The following WWOX variants were observed in gnomAD, a reference collection of about 807,000 sequenced individuals.
WWOX encodes the protein WW domain containing oxidoreductase.
In WWOX, 69 loss-of-function variants were observed where a neutral mutation model predicts 46.2. The observed-to-expected ratio is 1.49, with a 90% CI of 1.23 to 1.82. The LOEUF is 1.82. Ranked by LOEUF, WWOX falls within the 40% of genes most tolerant of loss-of-function variation. WWOX has a pLI of 0.00. For missense variants in WWOX, 919 were observed against 542.6 expected (o/e 1.69, Z -6.89); for synonymous variants, 359 against 202.6 (o/e 1.77, Z -6.56).
chr16:79,191,422 A>G (rs934019173), intron 8 of WWOX, among the ~76,000 whole-genome samples: 18 of 152,214 alleles, frequency 1.2e-4, no homozygotes, highest in African/African-American at 3.4e-4. Flanking sequence ...CATGGATTCT[A>G]TTAAATCTAA....
chr16:78,943,657 C>T (rs535250900), intron 8 of WWOX, among the ~76,000 whole-genome samples: 1 of 152,286 alleles, frequency 6.6e-6, no homozygotes, highest in East Asian at 1.9e-4. Flanking sequence ...CTGAAAAAAT[C>T]CAGAAGAGTG....
At chr16:78,276,197 C>A (rs1044014998) in intron 5 of WWOX, among the ~76,000 whole-genome samples, 8 of 152,170 alleles carry the variant, frequency 5.3e-5, no homozygotes, top group Non-Finnish European at 7.3e-5. Context: ...GCTGGCTAAC[C>A]TCCTTCCTTT....
In WWOX at chr16:78,827,395, G is replaced by C. The variant is rs145327014; in HGVS notation, c.1057-384213G>C. On this transcript the variant is annotated intron_variant, in intron 8 of 8. Coordinates refer to ENST00000566780, the MANE Select transcript of WWOX (RefSeq NM_016373.4). ...GTGTCATCAACTCACAGAGGAAGTG[G>C]AGCTGGAGTCTCTGTGGCTCCAGGG... Among the ~76,000 whole-genome samples the C allele has an allele frequency of 7.2e-5, 11 of 152,190 alleles. No individual in the cohort carries two copies. In the East Asian group the frequency reaches 1.9e-3, roughly 27 times the overall value.
At chr16:78,413,955 G>A (rs1438477237) in intron 6 of WWOX, among the ~76,000 whole-genome samples, 1 of 151,730 alleles carries the variant, frequency 6.6e-6, no homozygotes, top group African/African-American at 2.4e-5. Context: ...TATACATCCA[G>A]ATGGCCTGAA....
chr16:78,833,865 G>A (rs1456055687), intron 8 of WWOX, among the ~76,000 whole-genome samples: 1 of 152,238 alleles, frequency 6.6e-6, no homozygotes, highest in Non-Finnish European at 1.5e-5. Flanking sequence ...TGCGTTTCAT[G>A]CCTTCTCTAT....
chr16:79,040,469 C>A (rs115980841), intron 8 of WWOX, among the ~76,000 whole-genome samples: 1,680 of 152,038 alleles, frequency 0.011, 36 homozygotes, highest in African/African-American at 0.038. Context: ...AGAGACAAGC[C>A]TTCACTATGT....
intron 8 of WWOX, among the ~76,000 whole-genome samples, chr16:78,576,439 G>A (rs1292866435): frequency 6.6e-6 from 1 of 152,208 alleles, no homozygotes; most frequent in Non-Finnish European, 1.5e-5. Flanking sequence ...CTTGTCTGGA[G>A]GCGTTGGGCT....
At chr16:78,791,708 T>C (rs1224530722) in intron 8 of WWOX, among the ~76,000 whole-genome samples, 2 of 151,972 alleles carry the variant, frequency 1.3e-5, no homozygotes. Context: ...TGAAACCCCG[T>C]CTCTACTAAA....
intron 8 of WWOX, chr16:79,206,242 C>CGGCAGAGCA (rs1429011518): frequency 2.0e-5 from 3 of 152,242 alleles, no homozygotes; most frequent in Admixed American, 2.0e-4. Context: ...GCTGAGAAGG[C>CGGCAGAGCA]GGCAGAGCAG....
intron 8 of WWOX, among the ~76,000 whole-genome samples, chr16:78,458,064 A>G (rs2083865720): frequency 6.6e-6 from 1 of 151,362 alleles, no homozygotes; most frequent in Admixed American, 6.6e-5. Flanking sequence ...GTGACAAAAA[A>G]AAAACTTTAC....
chr16:78,853,548 A>G (rs1174826516), intron 8 of WWOX, among the ~76,000 whole-genome samples: 2 of 152,204 alleles, frequency 1.3e-5, no homozygotes, highest in African/African-American at 4.8e-5. Flanking sequence ...ACTGCTCTCC[A>G]TTACTCATGA....
At chr16:78,791,234 T>C (rs1038707422) in intron 8 of WWOX, among the ~76,000 whole-genome samples, 1 of 151,904 alleles carries the variant, frequency 6.6e-6, no homozygotes, top group African/African-American at 2.4e-5. Flanking sequence ...CATGAACTCA[T>C]GGGAAGCAAA....
chr16:78,394,700 G>A (rs529871835), intron 6 of WWOX, among the ~76,000 whole-genome samples: 4 of 152,176 alleles, frequency 2.6e-5, no homozygotes, highest in Non-Finnish European at 4.4e-5. Flanking sequence ...TGCTTTTGCC[G>A]TGGTAGCCTG....
intron 8 of WWOX, among the ~76,000 whole-genome samples, chr16:78,916,261 G>C (rs8048717): frequency 0.95 from 143,896 of 152,260 alleles, 68,544 homozygotes; most frequent in East Asian, 1. Context: ...TTTAATCAGC[G>C]CTTTCTACTG....
intron 8 of WWOX, among the ~76,000 whole-genome samples, chr16:79,190,807 A>AG (rs2051120616): frequency 2.6e-5 from 4 of 152,208 alleles, no homozygotes; most frequent in African/African-American, 9.7e-5. Context: ...CTACAGTAGC[A>AG]AAGTTGAGTA....
chr16:78,141,799 T>C (rs1042073909), intron 4 of WWOX, among the ~76,000 whole-genome samples: 1 of 152,074 alleles, frequency 6.6e-6, no homozygotes, highest in African/African-American at 2.4e-5. Flanking sequence ...AATAAAGTAG[T>C]ATTGATTTCA....
At chr16:78,680,089 A>C (rs947052179) in intron 8 of WWOX, among the ~76,000 whole-genome samples, 3 of 152,202 alleles carry the variant, frequency 2.0e-5, no homozygotes, top group Non-Finnish European at 2.9e-5. Context: ...TTCAGCCCTC[A>C]CAGGCTTAGA....
intron 8 of WWOX, among the ~76,000 whole-genome samples, chr16:78,815,329 A>G (rs867023802): frequency 5.4e-5 from 8 of 148,880 alleles, no homozygotes; most frequent in South Asian, 2.1e-4. Flanking sequence ...TGTCTCGAGA[A>G]AAAAAAAAAA....
intron 8 of WWOX, among the ~76,000 whole-genome samples, chr16:78,820,014 T>C (rs916502843): frequency 3.3e-5 from 5 of 152,344 alleles, no homozygotes; most frequent in South Asian, 4.1e-4. Context: ...TGTGGTGATA[T>C]GGAGGAAAAT....
Sources: gnomAD v4.1 joint callset for allele counts (sites outside exome capture counted in the v4.1 genomes callset) on GRCh38, gnomAD v4.1.1 for gene constraint, MANE v1.5 for transcripts, NCBI Gene and HGNC (gene_info 2026-07-23, HGNC 2026-07-21) for gene names.